CNTN4: variants seen among roughly 807,000 people sequenced by gnomAD.
CNTN4 encodes the protein contactin 4.
Under a neutral mutation model 122.5 loss-of-function variants are expected in CNTN4, and 77 were observed. The observed-to-expected ratio is 0.63, with a 90% CI of 0.52 to 0.76. CNTN4 has a LOEUF of 0.76. Ranked by LOEUF, CNTN4 falls within the 30% of genes least tolerant of loss-of-function variation. The probability of loss-of-function intolerance (pLI) is 0.00; values close to 1 mark genes in which losing one functional copy is unlikely to be tolerated. For synonymous variants in CNTN4, 512 were observed against 447.0 expected, an observed-to-expected ratio of 1.15 and a Z score of -1.83; for missense variants, 1,256 against 1,259.1, an observed-to-expected ratio of 1.00 and a Z score of 0.04.
chr3:2,863,444 C>CTTCT (rs1381432282), intron 7 of CNTN4, among the ~76,000 whole-genome samples: 8 of 92,364 alleles, frequency 8.7e-5, no homozygotes, highest in Admixed American at 1.2e-4. Flanking sequence ...ATGGTTTCTT[C>CTTCT]TTTTTTTTTT....
chr3:2,745,246 G>T (rs915390726), intron 5 of CNTN4, among the ~76,000 whole-genome samples: 1 of 152,144 alleles, frequency 6.6e-6, no homozygotes, highest in Admixed American at 6.6e-5. Context: ...CTTCAAAACA[G>T]TGAAGTGTTT....
At chr3:2,306,850 A>C (rs1468658952) in intron 2 of CNTN4, among the ~76,000 whole-genome samples, 2 of 151,824 alleles carry the variant, frequency 1.3e-5, no homozygotes, top group African/African-American at 2.4e-5. Flanking sequence ...ATTTTATTAA[A>C]TTTGTTCCTA....
intron 3 of CNTN4, among the ~76,000 whole-genome samples, chr3:2,568,336 A>G (rs899148038): frequency 6.6e-6 from 1 of 151,298 alleles, no homozygotes; most frequent in Admixed American, 6.6e-5. Context: ...AAAAAAAAAA[A>G]AAAACCACCC....
chr3:2,733,719 A>G (rs1327632511), intron 4 of CNTN4, among the ~76,000 whole-genome samples: 1 of 151,814 alleles, frequency 6.6e-6, no homozygotes, highest in Non-Finnish European at 1.5e-5. Flanking sequence ...AATTTTTAGT[A>G]GTGATGGGGT....
chr3:2,262,651 G>A (rs1179962183), intron 2 of CNTN4, among the ~76,000 whole-genome samples: 1 of 140,744 alleles, frequency 7.1e-6, no homozygotes, highest in Non-Finnish European at 1.5e-5. Context: ...TTGCAAATAT[G>A]CATTTTCCCT....
chr3:2,645,038 G>A (rs995095699), intron 4 of CNTN4, among the ~76,000 whole-genome samples: 1 of 151,816 alleles, frequency 6.6e-6, no homozygotes, highest in African/African-American at 2.4e-5. Context: ...TGTACCAAAA[G>A]CATTTGATTA....
chr3:2,818,051 A>C (rs558974954), intron 6 of CNTN4, among the ~76,000 whole-genome samples: 1 of 152,326 alleles, frequency 6.6e-6, no homozygotes, highest in South Asian at 2.1e-4. Context: ...CACTTTTCAC[A>C]GCCCAAACCT....
At chr3:2,803,880 G>A (rs2675315) in intron 6 of CNTN4, among the ~76,000 whole-genome samples, 88,151 of 151,778 alleles carry the variant, frequency 0.58, 26,253 homozygotes, top group Non-Finnish European at 0.68. Context: ...ATGAAGAACC[G>A]TTACCACACA....
At chr3:2,946,117 A>T (rs1577361022) in intron 13 of CNTN4, among the ~76,000 whole-genome samples, 1 of 152,196 alleles carries the variant, frequency 6.6e-6, no homozygotes, top group African/African-American at 2.4e-5. Flanking sequence ...TTCAACTACC[A>T]GTTGAAAACT....
intron 6 of CNTN4, among the ~76,000 whole-genome samples, chr3:2,768,601 T>C (rs1331536399): frequency 1.3e-5 from 2 of 152,180 alleles, no homozygotes; most frequent in Non-Finnish European, 2.9e-5. Flanking sequence ...ATCTACTTTA[T>C]AATGGCACTT....
intron 14 of CNTN4, 113 bp downstream of exon 14, chr3:2,988,585 C>G: frequency 9.2e-7 from 1 of 1,087,974 alleles, no homozygotes; most frequent in Non-Finnish European, 1.4e-6. Context: ...CACTGTATTG[C>G]TAAATTAATT....
chr3:2,192,894 TGA>T (rs1162610297), intron 2 of CNTN4, among the ~76,000 whole-genome samples: 1 of 152,186 alleles, frequency 6.6e-6, no homozygotes, highest in Non-Finnish European at 1.5e-5. Flanking sequence ...GGTGTGGGTG[TGA>T]GAGTGTGTAT....
intron 14 of CNTN4, among the ~76,000 whole-genome samples, chr3:3,010,127 G>C (rs998123777): frequency 1.3e-5 from 2 of 151,992 alleles, no homozygotes; most frequent in African/African-American, 4.8e-5. Flanking sequence ...CTGGCCCAGA[G>C]ACCTACCTCT....
intron 3 of CNTN4, among the ~76,000 whole-genome samples, chr3:2,378,745 T>C (rs9826250): frequency 0.21 from 31,578 of 152,056 alleles, 3,478 homozygotes; most frequent in African/African-American, 0.25. Flanking sequence ...CCTTTTTTTT[T>C]TTGAAGAAGG....
chr3:2,439,571 C>G (rs1254660566), intron 3 of CNTN4, among the ~76,000 whole-genome samples: 1 of 151,944 alleles, frequency 6.6e-6, no homozygotes, highest in East Asian at 1.9e-4. Flanking sequence ...TCCACCTTAG[C>G]TTGAATTGTG....
chr3:2,718,862 A>G (rs571362117), intron 4 of CNTN4, among the ~76,000 whole-genome samples: 16 of 152,206 alleles, frequency 1.1e-4, no homozygotes, highest in Non-Finnish European at 2.1e-4. Flanking sequence ...ATGCACATTC[A>G]TATGCAAAAT....
chr3:2,132,940 A>G (rs943344191), intron 2 of CNTN4, among the ~76,000 whole-genome samples: 16 of 152,216 alleles, frequency 1.1e-4, no homozygotes, highest in Admixed American at 1.0e-3. Context: ...CAGTTGGGAC[A>G]GGCTGCCAGA....
chr3:2,852,957 T>C (rs6810092), intron 7 of CNTN4, among the ~76,000 whole-genome samples: 4,280 of 152,256 alleles, frequency 0.028, 184 homozygotes, highest in African/African-American at 0.097. Flanking sequence ...TTGGGAAGAA[T>C]CCACCATTTC....
intron 2 of CNTN4, among the ~76,000 whole-genome samples, chr3:2,206,271 TC>T (rs1467724035): frequency 6.6e-6 from 1 of 152,102 alleles, no homozygotes; most frequent in Non-Finnish European, 1.5e-5. Flanking sequence ...ATAAAAGAGC[TC>T]ACTCATCATG....
Sources: gnomAD v4.1 joint callset for allele counts (sites outside exome capture counted in the v4.1 genomes callset) on GRCh38, gnomAD v4.1.1 for gene constraint, MANE v1.5 for transcripts, NCBI Gene and HGNC (gene_info 2026-07-23, HGNC 2026-07-21) for gene names.